Variants in MAPKAP1 observed in about 807,000 individuals in gnomAD.
The protein encoded by MAPKAP1 is MAPK associated protein 1.
Under a neutral mutation model 65.7 loss-of-function variants are expected in MAPKAP1, and 20 were observed. The ratio of observed to expected loss-of-function variants is 0.30; its 90% CI spans 0.21 to 0.44. MAPKAP1 has a LOEUF of 0.44. Among genes scored for constraint, MAPKAP1 ranks in the 20% least tolerant of loss-of-function variants. The probability of loss-of-function intolerance (pLI) is 1.00; values close to 1 mark genes in which losing one functional copy is unlikely to be tolerated. For missense variants in MAPKAP1, 423 were observed against 648.0 expected (o/e 0.65, Z 3.77); for synonymous variants, 222 against 244.3 (o/e 0.91, Z 0.85).
At chr9:125,561,572 G>A (rs1034400925) in intron 5 of MAPKAP1, among the ~76,000 whole-genome samples, 1 of 152,122 alleles carries the variant, frequency 6.6e-6, no homozygotes, top group African/African-American at 2.4e-5. Context: ...AACAATTAGA[G>A]AGGCAAAAGA....
intron 5 of MAPKAP1, among the ~76,000 whole-genome samples, chr9:125,580,757 T>C (rs760781293): frequency 6.6e-6 from 1 of 152,110 alleles, no homozygotes; most frequent in African/African-American, 2.4e-5. Context: ...GTGTGTTGTG[T>C]AGTTCTACAC....
At chr9:125,705,441 G>A (rs1367926867) in intron 1 of MAPKAP1, among the ~76,000 whole-genome samples, 1 of 152,092 alleles carries the variant, frequency 6.6e-6, no homozygotes, top group Non-Finnish European at 1.5e-5. Flanking sequence ...CCTCAAAGGT[G>A]AATAACCCAT....
intron 10 of MAPKAP1, among the ~76,000 whole-genome samples, chr9:125,453,388 T>C (rs943859498): frequency 3.3e-5 from 5 of 152,262 alleles, no homozygotes; most frequent in African/African-American, 9.6e-5. Context: ...GAAATCTCTT[T>C]AACATTTGGT....
chr9:125,628,112 T>C (rs752508865), intron 4 of MAPKAP1, among the ~76,000 whole-genome samples: 1 of 152,180 alleles, frequency 6.6e-6, no homozygotes, highest in Non-Finnish European at 1.5e-5. Flanking sequence ...CATATAAATA[T>C]ATAACTACAA....
chr9:125,463,238 G>T (rs1426810883), intron 10 of MAPKAP1, among the ~76,000 whole-genome samples: 1 of 152,248 alleles, frequency 6.6e-6, no homozygotes, highest in Non-Finnish European at 1.5e-5. Context: ...TGCGACTGCA[G>T]GGTGCAGTGC....
In MAPKAP1 at chr9:125,585,823, C is replaced by T. The variant is rs962733476; in HGVS notation, c.499-96G>A. ...TGTGGGCAGCACAGCCATTTTTCAT[C>T]CTTGCTCTACAGACCTACTGTGACC... On this transcript the variant is annotated intron_variant, in intron 4 of 11. Coordinates refer to ENST00000265960, the MANE Select transcript of MAPKAP1 (RefSeq NM_001006617.3). 6 of 1,200,082 alleles carry T rather than the reference C, an allele frequency of 5.0e-6. No individual in the cohort carries two copies. In the African/African-American group the frequency reaches 6.0e-5, roughly 12 times the overall value. The allele number at this position is 1,200,082 out of a possible 1,614,324, so 74.3% of individuals were successfully genotyped here.
intron 6 of MAPKAP1, among the ~76,000 whole-genome samples, chr9:125,556,177 T>C (rs1251383698): frequency 6.6e-6 from 1 of 152,242 alleles, no homozygotes; most frequent in East Asian, 1.9e-4. Flanking sequence ...GTGAGGTAGG[T>C]ATTATTATCT....
intron 4 of MAPKAP1, chr9:125,596,411 T>G: frequency 1.2e-6 from 1 of 811,664 alleles, no homozygotes; most frequent in South Asian, 1.3e-5. Context: ...GATTTGGTAC[T>G]GATGGAAGCA....
chr9:125,521,486 T>A, intron 7 of MAPKAP1: 1 of 1,253,874 alleles, frequency 8.0e-7, no homozygotes, highest in Non-Finnish European at 1.0e-6. Flanking sequence ...AAATAAACAG[T>A]CATTTATTTT....
At chr9:125,594,742 A>G (rs1832075452) in intron 4 of MAPKAP1, among the ~76,000 whole-genome samples, 1 of 152,176 alleles carries the variant, frequency 6.6e-6, no homozygotes, top group Admixed American at 6.5e-5. Flanking sequence ...ACATAAAGGG[A>G]AAAATAGCCT....
intron 4 of MAPKAP1, among the ~76,000 whole-genome samples, chr9:125,586,602 T>A (rs1407795588): frequency 6.6e-6 from 1 of 152,000 alleles, no homozygotes; most frequent in African/African-American, 2.4e-5. Flanking sequence ...CTTTCTCTTT[T>A]GTGAAAAAAA....
intron 1 of MAPKAP1, among the ~76,000 whole-genome samples, chr9:125,692,996 G>C (rs1056525357): frequency 6.6e-6 from 1 of 152,166 alleles, no homozygotes; most frequent in Non-Finnish European, 1.5e-5. Flanking sequence ...AATCCCATCA[G>C]AACTTCTGGC....
intron 10 of MAPKAP1, among the ~76,000 whole-genome samples, chr9:125,464,383 G>A (rs1210960730): frequency 6.6e-6 from 1 of 152,026 alleles, no homozygotes; most frequent in Non-Finnish European, 1.5e-5. Context: ...TCACCTTTTA[G>A]GGGCTTATGA....
chr9:125,541,669 CA>C (rs1416705763), intron 7 of MAPKAP1, among the ~76,000 whole-genome samples: 14 of 152,152 alleles, frequency 9.2e-5, no homozygotes, highest in Admixed American at 9.2e-4. Context: ...GTTTGACCCC[CA>C]CGCAATGGAT....
intron 4 of MAPKAP1, among the ~76,000 whole-genome samples, chr9:125,649,149 G>A (rs994610371): frequency 1.3e-5 from 2 of 152,142 alleles, no homozygotes; most frequent in African/African-American, 2.4e-5. Context: ...TGAGAAGGCT[G>A]AATGTAAAAT....
At chr9:125,597,180 G>T (rs1478050526) in intron 4 of MAPKAP1, among the ~76,000 whole-genome samples, 1 of 150,516 alleles carries the variant, frequency 6.6e-6, no homozygotes, top group African/African-American at 2.5e-5. Flanking sequence ...CAGGAGAATG[G>T]CGTGAACCCA....
chr9:125,626,511 A>G (rs914782059), intron 4 of MAPKAP1, among the ~76,000 whole-genome samples: 1 of 152,256 alleles, frequency 6.6e-6, no homozygotes, highest in African/African-American at 2.4e-5. Flanking sequence ...GGCTATTTAA[A>G]TTTAAATTAA....
intron 1 of MAPKAP1, among the ~76,000 whole-genome samples, chr9:125,693,626 T>C (rs1397479919): frequency 1.4e-5 from 2 of 148,100 alleles, no homozygotes; most frequent in African/African-American, 2.5e-5. Context: ...CACACATATA[T>C]ACACATATAC....
chr9:125,629,423 A>T (rs1013069564), intron 4 of MAPKAP1, among the ~76,000 whole-genome samples: 1 of 152,242 alleles, frequency 6.6e-6, no homozygotes, highest in Non-Finnish European at 1.5e-5. Flanking sequence ...TCAGCTTTTG[A>T]AAAGAAGGAA....
Sources: gnomAD v4.1 joint callset for allele counts (sites outside exome capture counted in the v4.1 genomes callset) on GRCh38, gnomAD v4.1.1 for gene constraint, MANE v1.5 for transcripts, NCBI Gene and HGNC (gene_info 2026-07-23, HGNC 2026-07-21) for gene names.